ICE1: variants seen among roughly 807,000 people sequenced by gnomAD.
ICE1 encodes interactor of little elongation complex ELL subunit 1.
In ICE1, 64 loss-of-function variants were observed where a neutral mutation model predicts 192.7. The observed-to-expected ratio is 0.33, with a 90% CI of 0.27 to 0.41. The LOEUF is 0.41. Ranked by LOEUF, ICE1 falls within the 10% of genes least tolerant of loss-of-function variation. The probability of loss-of-function intolerance (pLI) is 1.00; values close to 1 mark genes in which losing one functional copy is unlikely to be tolerated. For missense variants in ICE1, 2,708 were observed against 2,696.0 expected (o/e 1.00, Z -0.10); for synonymous variants, 1,010 against 984.5 (o/e 1.03, Z -0.49).
intron 5 of ICE1, among the ~76,000 whole-genome samples, chr5:5,442,338 A>C (rs1486946690): frequency 6.6e-6 from 1 of 152,226 alleles, no homozygotes; most frequent in African/African-American, 2.4e-5. Flanking sequence ...TAGTGGTGAC[A>C]CGTAGCTGTC....
chr5:5,478,280 A>G (rs1192817274), intron 17 of ICE1, among the ~76,000 whole-genome samples: 1 of 152,258 alleles, frequency 6.6e-6, no homozygotes, highest in East Asian at 1.9e-4. Flanking sequence ...TACAAAATCA[A>G]TGTGCAAAAA....
chr5:5,438,207 G>T (rs527937548), intron 3 of ICE1, among the ~76,000 whole-genome samples: 1 of 152,190 alleles, frequency 6.6e-6, no homozygotes. Flanking sequence ...ATCAGATCTC[G>T]TGGGAACTCA....
intron 6 of ICE1, among the ~76,000 whole-genome samples, chr5:5,443,548 G>T (rs1738112448): frequency 6.6e-6 from 1 of 152,186 alleles, no homozygotes; most frequent in East Asian, 1.9e-4. Context: ...ACATGTGTCT[G>T]TGTGTGTCTA....
chr5:5,443,279 T>G lies in ICE1; in HGVS notation c.386+35T>G, dbSNP rs530730880. On this transcript the variant is annotated intron_variant, in intron 6 of 18. Transcript: ENST00000296564. ...TACTAAATTACTATAGAAATACGGT[T>G]TTCAGTTTTGAAAATACGTAATTCT... 2.0e-5 allele frequency: 24 copies of G among 1,173,344 alleles called. No homozygotes were observed. In the African/African-American group the frequency reaches 3.2e-4, roughly 16 times the overall value. 72.7% of individuals were successfully genotyped at this position (1,173,344 alleles called of 1,614,324 possible). A position where few individuals can be genotyped will look rare whatever the true frequency, so the allele number is the denominator to read the frequency against.
chr5:5,444,470 TAGAA>T (rs751070134), intron 7 of ICE1, 144 bp downstream of exon 7: 17 of 577,688 alleles, frequency 2.9e-5, no homozygotes, highest in Non-Finnish European at 5.2e-5. Flanking sequence ...AGGGGTCTAT[TAGAA>T]AGAAGTGTGA....
At chr5:5,445,304 C>T (rs1383566421) in intron 7 of ICE1, among the ~76,000 whole-genome samples, 2 of 152,134 alleles carry the variant, frequency 1.3e-5, no homozygotes, top group Non-Finnish European at 2.9e-5. Flanking sequence ...TGCATGAATA[C>T]TGACAATATG....
At chr5:5,457,796 T>G in intron 12 of ICE1, 55 bp downstream of exon 12, 1 of 1,472,568 alleles carries the variant, frequency 6.8e-7, no homozygotes, top group Non-Finnish European at 9.3e-7. Context: ...TCTATCCTAA[T>G]ATGTCCTTGA....
At chr5:5,436,643 T>C (rs1219083291) in intron 2 of ICE1, among the ~76,000 whole-genome samples, 167 bp downstream of exon 2, 1 of 152,170 alleles carries the variant, frequency 6.6e-6, no homozygotes, top group Non-Finnish European at 1.5e-5. Context: ...ACTTGAACCT[T>C]TTGTTACAGG....
At chr5:5,444,368 A>C (rs1029305335) in intron 7 of ICE1, 42 bp downstream of exon 7, 2 of 1,409,562 alleles carry the variant, frequency 1.4e-6, no homozygotes, top group African/African-American at 2.9e-5. Context: ...GGTCAGTACA[A>C]AAATCACTGG....
At chr5:5,425,449 A>T (rs1486470422) in intron 1 of ICE1, among the ~76,000 whole-genome samples, 2 of 152,208 alleles carry the variant, frequency 1.3e-5, no homozygotes, top group Non-Finnish European at 2.9e-5. Flanking sequence ...TTCCATTGAA[A>T]CATTATAAAC....
rs368620847 is a variant in ICE1, at chr5:5,463,478, A to G, written c.4144A>G (p.Ile1382Val). ...CTCTGACTCTGTGATGGAGCCATCC[A>G]TAGAGCAAAGTTCTAACTGCGAGGC... ...LCSDSVMEPS[I>V]EQSSNCEAET... The change falls in exon 13 of 19, where the codon ATA (isoleucine) becomes GTA (valine). Residue 1382 changes from isoleucine to valine, a missense_variant. This residue lies in a region of ICE1 where 2,366 missense variants were observed against 2,276.6 expected (regional missense o/e 1.04). Transcript: ENST00000296564. 1.0e-4 allele frequency: 162 copies of G among 1,613,066 alleles called. 3 individuals carry two copies. In the South Asian group the frequency reaches 1.6e-3, roughly 16 times the overall value.
chr5:5,423,125 C>T (rs898472321), intron 1 of ICE1, 126 bp downstream of exon 1: 4 of 463,828 alleles, frequency 8.6e-6, no homozygotes, highest in Non-Finnish European at 1.4e-5. Context: ...CCAACCGTAG[C>T]TCTTGCTCGC....
intron 14 of ICE1, among the ~76,000 whole-genome samples, chr5:5,467,727 G>A (rs1179097283): frequency 1.3e-5 from 2 of 152,182 alleles, no homozygotes; most frequent in Non-Finnish European, 2.9e-5. Context: ...AGTGCAGTGA[G>A]TTTATGCTTT....
At chr5:5,431,131 G>T (rs536773792) in intron 1 of ICE1, among the ~76,000 whole-genome samples, 25 of 152,132 alleles carry the variant, frequency 1.6e-4, no homozygotes, top group Non-Finnish European at 3.2e-4. Flanking sequence ...GGAGCCTGAG[G>T]TTTCTTCGGG....
At chr5:5,430,284 C>G (rs1485523830) in intron 1 of ICE1, among the ~76,000 whole-genome samples, 6 of 152,082 alleles carry the variant, frequency 3.9e-5, no homozygotes. Flanking sequence ...TAAATGACAT[C>G]TGAATCTGAT....
At chr5:5,477,377 A>G (rs991115288) in intron 17 of ICE1, among the ~76,000 whole-genome samples, 2 of 152,244 alleles carry the variant, frequency 1.3e-5, no homozygotes, top group Non-Finnish European at 2.9e-5. Flanking sequence ...CAAATAAACT[A>G]GAAAATCTAG....
In ICE1 at chr5:5,422,846, C is replaced by G. The variant is rs899691441; in HGVS notation, c.-70C>G. On this transcript the variant is annotated 5_prime_UTR_variant, in exon 1 of 19. Transcript: ENST00000296564. Reference sequence around the variant, plus strand: ...CAGGCGGCGGCCCCGGCGGCATCAGCAGAGACAGGACGGGGCCGACGCCGC... The same window carrying G: ...CAGGCGGCGGCCCCGGCGGCATCAGGAGAGACAGGACGGGGCCGACGCCGC... 3.5e-6 allele frequency: 4 copies of G among 1,152,982 alleles called. No homozygotes were observed. The African/African-American group carries it at 6.5e-5, about 19-fold the overall frequency. The allele number at this position is 1,152,982 out of a possible 1,614,324, so 71.4% of individuals were successfully genotyped here.
chr5:5,483,623 A>G (rs1739565937), intron 17 of ICE1, among the ~76,000 whole-genome samples: 1 of 152,230 alleles, frequency 6.6e-6, no homozygotes, highest in African/African-American at 2.4e-5. Flanking sequence ...GAGGCCATCC[A>G]GTGGAAAGGT....
At chr5:5,438,413 ATTT>A (rs1473671020) in intron 3 of ICE1, among the ~76,000 whole-genome samples, 5 of 152,210 alleles carry the variant, frequency 3.3e-5, no homozygotes, top group African/African-American at 1.2e-4. Flanking sequence ...CTTTAGATTT[ATTT>A]TTACTATCTG....
Sources: allele counts gnomAD v4.1 joint callset (sites outside exome capture counted in the v4.1 genomes callset), GRCh38; gene constraint gnomAD v4.1.1; regional missense constraint gnomAD v4.1.1; transcripts MANE v1.5; gene names NCBI Gene and HGNC (gene_info 2026-07-23, HGNC 2026-07-21).